SLC6A2: variants seen among roughly 807,000 people sequenced by gnomAD.
SLC6A2 encodes solute carrier family 6 member 2, also known as sodium-dependent noradrenaline transporter.
SLC6A2 carries 26 observed loss-of-function variants against 71.7 expected under a neutral mutation model. The observed-to-expected ratio is 0.36, with a 90% CI of 0.27 to 0.50. The LOEUF (loss-of-function observed/expected upper bound fraction) is 0.50, where lower values mean the gene tolerates loss of function less well. Ranked by LOEUF, SLC6A2 falls within the 20% of genes least tolerant of loss-of-function variation. The pLI is 0.96. For missense variants in SLC6A2, 581 were observed against 803.9 expected (o/e 0.72, Z 3.35); for synonymous variants, 363 against 337.9 (o/e 1.07, Z -0.82).
chr16:55,671,725 C>T (rs1014841680), intron 3 of SLC6A2: 11 of 959,210 alleles, frequency 1.1e-5, no homozygotes, highest in South Asian at 1.7e-5. Context: ...TGAGGTGGAA[C>T]GGTTTCATCT....
intron 2 of SLC6A2, among the ~76,000 whole-genome samples, chr16:55,663,475 A>C (rs1964664009): frequency 6.6e-6 from 1 of 152,144 alleles, no homozygotes; most frequent in Non-Finnish European, 1.5e-5. Context: ...TGAACTTTCC[A>C]GTCACCAGAA....
chr16:55,697,820 C>G (rs1965845799), intron 9 of SLC6A2, 77 bp from the exon 10 acceptor site: 1 of 1,561,398 alleles, frequency 6.4e-7, no homozygotes, highest in East Asian at 2.3e-5. Context: ...GCAGGAGGCT[C>G]TAGGAACCCT....
chr16:55,685,756 T>A (rs1965431257), intron 5 of SLC6A2, among the ~76,000 whole-genome samples: 1 of 152,180 alleles, frequency 6.6e-6, no homozygotes, highest in Non-Finnish European at 1.5e-5. Flanking sequence ...TTCAGATGTA[T>A]GCTGGATTTT....
In SLC6A2 at chr16:55,689,916, A is replaced by G. The variant is rs568607513; in HGVS notation, c.784-2002A>G. 4.6e-5 allele frequency among the ~76,000 whole-genome samples: 7 copies of G among 152,312 alleles called. No homozygotes were observed. In the East Asian group the frequency reaches 1.4e-3, roughly 29 times the overall value. Reference sequence around the variant, plus strand: ...GAGGAGGCTTTCCTGATTCCTTCTGAGCCCAGAAGATGTGACTACCACTAT... The same window carrying G: ...GAGGAGGCTTTCCTGATTCCTTCTGGGCCCAGAAGATGTGACTACCACTAT... On this transcript the variant is annotated intron_variant, in intron 5 of 14. Coordinates refer to ENST00000568943, the MANE Select transcript of SLC6A2 (RefSeq NM_001172501.3).
chr16:55,672,070 G>A lies in SLC6A2; in HGVS notation c.539G>A (p.Trp180Ter). 1.9e-6 allele frequency: 3 copies of A among 1,614,152 alleles called. No individual in the cohort carries two copies. The highest frequency in any genetic ancestry group is 2.5e-6 in the Non-Finnish European group (3 of 1,180,044). ...CCCTGGACCGACTGTGGCCACACCT[G>A]GAACAGCCCCAACTGTACCGACCCC... is the stretch of plus-strand genomic sequence containing the variant. ...NLPWTDCGHTWNSPNCTDPKL... is the reference protein window; with the variant it reads ...NLPWTDCGHT The change falls in exon 4 of 15, where the codon TGG (tryptophan) becomes TAG (stop). Residue 180 changes from tryptophan to a stop codon, truncating the protein, a stop_gained. Coordinates refer to ENST00000568943, the MANE Select transcript of SLC6A2 (RefSeq NM_001172501.3). LOFTEE classifies it high-confidence loss of function.
At chr16:55,679,385 C>A (rs1195040132) in intron 4 of SLC6A2, among the ~76,000 whole-genome samples, 1 of 152,080 alleles carries the variant, frequency 6.6e-6, no homozygotes, top group Non-Finnish European at 1.5e-5. Context: ...TGCCACCACA[C>A]CCAGCTAATT....
At chr16:55,694,944 G>A (rs1413293782) in intron 7 of SLC6A2, among the ~76,000 whole-genome samples, 2 of 152,182 alleles carry the variant, frequency 1.3e-5, no homozygotes, top group African/African-American at 4.8e-5. Flanking sequence ...AATATATAAG[G>A]AAGGCTGGGT....
intron 9 of SLC6A2, among the ~76,000 whole-genome samples, chr16:55,697,206 A>T (rs1965827283): frequency 6.6e-6 from 1 of 152,224 alleles, no homozygotes; most frequent in Non-Finnish European, 1.5e-5. Flanking sequence ...CAGATCTGCC[A>T]GGAGCAGGGA....
At chr16:55,672,313 A>G in intron 4 of SLC6A2, 138 bp downstream of exon 4, 1 of 1,465,522 alleles carries the variant, frequency 6.8e-7, no homozygotes, top group South Asian at 1.2e-5. Context: ...CACTGGCCTG[A>G]TGCTGGGTGA....
At chr16:55,670,045 A>G (rs1449516827) in intron 3 of SLC6A2, among the ~76,000 whole-genome samples, 1 of 152,210 alleles carries the variant, frequency 6.6e-6, no homozygotes, top group African/African-American at 2.4e-5. Context: ...TTAGAAGTTG[A>G]TCATGGATCT....
At chr16:55,661,151 C>T (rs182747736) in intron 2 of SLC6A2, among the ~76,000 whole-genome samples, 1 of 152,218 alleles carries the variant, frequency 6.6e-6, no homozygotes, top group African/African-American at 2.4e-5. Flanking sequence ...CTGTGCTGAT[C>T]CCTGGGGAAG....
At chr16:55,698,702 A>G (rs2142622484) in intron 11 of SLC6A2, 134 bp downstream of exon 11, 6 of 724,964 alleles carry the variant, frequency 8.3e-6, no homozygotes, top group African/African-American at 7.0e-5. Context: ...TATTGGGAAC[A>G]AATCTCAATC....
chr16:55,699,759 A>G (rs1965912087), intron 12 of SLC6A2, 105 bp downstream of exon 12: 5 of 839,236 alleles, frequency 6.0e-6, no homozygotes, highest in Non-Finnish European at 1.0e-5. Context: ...TCTGGGATCC[A>G]GAGGCCCTGG....
chr16:55,695,371 C>CA lies in SLC6A2; in HGVS notation c.1118dup (p.Val374GlyfsTer4). 6.2e-7 allele frequency: 1 copy of CA among 1,614,250 alleles called. No homozygotes were observed. Among genetic ancestry groups the CA allele is most frequent in the Non-Finnish European group, 8.5e-7 (1 of 1,180,042 alleles). ...TCCTTGGTTACATGGCCCATGAACACAAGGTCAACATTGAGGATGTGGCCA... is the reference window on the plus strand; with the variant it reads ...TCCTTGGTTACATGGCCCATGAACACAAAGGTCAACATTGAGGATGTGGCCA... On this transcript the variant is annotated frameshift_variant, in exon 8 of 15. Transcript: ENST00000568943. LOFTEE classifies it high-confidence loss of function.
At chr16:55,694,874 GT>G (rs1431876897) in intron 7 of SLC6A2, among the ~76,000 whole-genome samples, 4 of 152,276 alleles carry the variant, frequency 2.6e-5, no homozygotes, top group Middle Eastern at 3.4e-3. Flanking sequence ...CAAGGAAGTG[GT>G]TTGTTTATGG....
At chr16:55,681,792 C>G (rs370207608) in intron 4 of SLC6A2, among the ~76,000 whole-genome samples, 2 of 152,236 alleles carry the variant, frequency 1.3e-5, no homozygotes, top group Non-Finnish European at 2.9e-5. Flanking sequence ...TTGATCTTAT[C>G]CCCTGCAGGT....
chr16:55,668,177 G>A (rs1337973678), intron 2 of SLC6A2, among the ~76,000 whole-genome samples: 1 of 152,078 alleles, frequency 6.6e-6, no homozygotes. Flanking sequence ...TCCTACTTAG[G>A]AGAGGCACCC....
At chr16:55,679,509 G>A (rs1038235334) in intron 4 of SLC6A2, among the ~76,000 whole-genome samples, 11 of 152,200 alleles carry the variant, frequency 7.2e-5, no homozygotes, top group African/African-American at 1.9e-4. Context: ...TTGAAGGCGT[G>A]AGCCACCACA....
At chr16:55,659,264 C>A (rs1031723605) in intron 2 of SLC6A2, among the ~76,000 whole-genome samples, 20 of 152,096 alleles carry the variant, frequency 1.3e-4, no homozygotes, top group Non-Finnish European at 2.8e-4. Flanking sequence ...TTTGTTGAAA[C>A]TAAAAGCATC....
Sources: allele counts gnomAD v4.1 joint callset (sites outside exome capture counted in the v4.1 genomes callset), GRCh38; gene constraint gnomAD v4.1.1; transcripts MANE v1.5; gene names NCBI Gene and HGNC (gene_info 2026-07-23, HGNC 2026-07-21).